Variants in NAALADL2 observed in about 807,000 individuals in gnomAD.
The protein encoded by NAALADL2 is inactive N-acetylated-alpha-linked acidic dipeptidase-like protein 2.
NAALADL2 carries 76 observed loss-of-function variants against 87.2 expected under a neutral mutation model. The ratio of observed to expected loss-of-function variants is 0.87; its 90% CI spans 0.72 to 1.05. The LOEUF (loss-of-function observed/expected upper bound fraction) is 1.05, where lower values mean the gene tolerates loss of function less well. NAALADL2 is among the 50% of genes least tolerant of loss of function. NAALADL2 has a pLI of 0.00. For synonymous variants in NAALADL2, 354 were observed against 331.0 expected (o/e 1.07, Z -0.75); for missense variants, 1,089 against 945.8 (o/e 1.15, Z -1.99).
intron 1 of NAALADL2, among the ~76,000 whole-genome samples, chr3:174,906,181 A>G (rs949371373): frequency 6.6e-6 from 1 of 152,114 alleles, no homozygotes; most frequent in Non-Finnish European, 1.5e-5. Context: ...TTCTTTTAGA[A>G]CTATAAAAGA....
chr3:175,620,495 T>A (rs894008588), intron 10 of NAALADL2, among the ~76,000 whole-genome samples: 3 of 152,104 alleles, frequency 2.0e-5, no homozygotes, highest in African/African-American at 4.8e-5. Context: ...CCCCAGAAGT[T>A]TTGCTGCTCT....
chr3:174,571,442 T>C (rs534481218), intron 2 of NAALADL2, among the ~76,000 whole-genome samples: 4 of 152,154 alleles, frequency 2.6e-5, no homozygotes, highest in Admixed American at 6.6e-5. Context: ...AATGGCGTGA[T>C]CTGTGCCCAC....
intron 10 of NAALADL2, among the ~76,000 whole-genome samples, chr3:175,603,993 A>T (rs1723316724): frequency 6.6e-6 from 1 of 152,148 alleles, no homozygotes; most frequent in Non-Finnish European, 1.5e-5. Flanking sequence ...ATCCTGAAAG[A>T]AAAACAACAA....
chr3:175,106,895 A>G (rs1408454819), intron 2 of NAALADL2, among the ~76,000 whole-genome samples: 1 of 138,368 alleles, frequency 7.2e-6, no homozygotes, highest in Non-Finnish European at 1.6e-5. Flanking sequence ...ATACATTTTA[A>G]AATAGATTAT....
intron 3 of NAALADL2, among the ~76,000 whole-genome samples, chr3:174,740,026 TAAAAC>T (rs778116784): frequency 2.6e-5 from 4 of 152,002 alleles, no homozygotes; most frequent in East Asian, 1.9e-4. Context: ...AAGCATTTTG[TAAAAC>T]AAAACAAAAC....
intron 3 of NAALADL2, among the ~76,000 whole-genome samples, chr3:174,822,641 G>A (rs1453984182): frequency 1.5e-4 from 23 of 152,092 alleles, no homozygotes; most frequent in Admixed American, 1.4e-3. Flanking sequence ...TGTAATATAT[G>A]ATGTATATAT....
rs557211252 is a variant in NAALADL2 at position 175,107,971 on chromosome 3, A to G, written c.545+10680A>G. Among the ~76,000 whole-genome samples, 29 of 151,942 alleles carry G rather than the reference A, an allele frequency of 1.9e-4. 1 individual carries two copies. The East Asian group carries it at 2.9e-3, about 15-fold the overall frequency. On this transcript the variant is annotated intron_variant, in intron 2 of 13. Coordinates refer to ENST00000454872, the MANE Select transcript of NAALADL2 (RefSeq NM_207015.3). ...CATTCTTATCTATAAAAAAAATGGT[A>G]TTGAAGTTCTCTTTCCTTTCATTAT...
At chr3:174,959,965 T>C (rs1741735829) in intron 1 of NAALADL2, among the ~76,000 whole-genome samples, 1 of 152,066 alleles carries the variant, frequency 6.6e-6, no homozygotes, top group South Asian at 2.1e-4. Context: ...AAAGGTCCTG[T>C]TCACTCTAAG....
At chr3:175,286,980 G>T (rs1225577907) in intron 4 of NAALADL2, among the ~76,000 whole-genome samples, 1 of 151,504 alleles carries the variant, frequency 6.6e-6, no homozygotes, top group Admixed American at 6.6e-5. Context: ...GTATGGTGGG[G>T]GTGGAGGGGT....
intron 1 of NAALADL2, among the ~76,000 whole-genome samples, chr3:175,071,248 A>G (rs1715582174): frequency 6.6e-6 from 1 of 152,110 alleles, no homozygotes; most frequent in African/African-American, 2.4e-5. Flanking sequence ...GGTGTAAAGA[A>G]TGTTTTTCAG....
At chr3:175,801,227 C>G (rs1222661127) in intron 13 of NAALADL2, among the ~76,000 whole-genome samples, 1 of 152,124 alleles carries the variant, frequency 6.6e-6, no homozygotes, top group Non-Finnish European at 1.5e-5. Context: ...TCTCCAGGCT[C>G]TACATTACAA....
intron 13 of NAALADL2, among the ~76,000 whole-genome samples, chr3:175,799,336 G>T (rs2108339050): frequency 6.6e-6 from 1 of 151,852 alleles, no homozygotes; most frequent in East Asian, 1.9e-4. Context: ...TTTTTACATA[G>T]CTGAATAATT....
intron 13 of NAALADL2, among the ~76,000 whole-genome samples, chr3:175,799,777 C>T (rs920017816): frequency 3.3e-5 from 5 of 152,130 alleles, no homozygotes; most frequent in African/African-American, 4.8e-5. Flanking sequence ...CAAAAGTTCT[C>T]TGTATAAAAA....
chr3:175,345,825 G>T, intron 5 of NAALADL2, among the ~76,000 whole-genome samples: 1 of 152,128 alleles, frequency 6.6e-6, no homozygotes, highest in East Asian at 1.9e-4. Context: ...GTTGAGGCTT[G>T]CAAAATGATA....
intron 11 of NAALADL2, among the ~76,000 whole-genome samples, chr3:175,715,945 T>A (rs1377497286): frequency 2.6e-5 from 4 of 151,754 alleles, no homozygotes; most frequent in Admixed American, 6.6e-5. Context: ...TTACTATCTT[T>A]ACAAATCCTT....
chr3:175,262,423 C>T lies in NAALADL2; in HGVS notation c.939+5893C>T, dbSNP rs142041309. 1.1e-3 allele frequency among the ~76,000 whole-genome samples: 174 copies of T among 151,936 alleles called. 1 individual carries two copies. Among genetic ancestry groups the T allele is most frequent in the Middle Eastern group, 3.4e-3 (1 of 294 alleles). The stretch of plus-strand genomic sequence containing the variant: ...ACCAACATTTGCTCTACTTTTCTTG[C>T]GGTAGAAGTTGGTGGAACTCTATTT... On this transcript the variant is annotated intron_variant, in intron 4 of 13. Coordinates refer to ENST00000454872, the MANE Select transcript of NAALADL2 (RefSeq NM_207015.3).
intron 9 of NAALADL2, among the ~76,000 whole-genome samples, chr3:175,571,559 G>T (rs892812856): frequency 3.9e-5 from 6 of 152,224 alleles, no homozygotes; most frequent in Non-Finnish European, 8.8e-5. Context: ...GCTTATGAGG[G>T]TTGAGTAGAT....
At chr3:175,260,847 A>G (rs969494907) in intron 4 of NAALADL2, among the ~76,000 whole-genome samples, 1 of 152,190 alleles carries the variant, frequency 6.6e-6, no homozygotes, top group African/African-American at 2.4e-5. Context: ...GAGGAGAAAA[A>G]TAATCTGCAG....
chr3:174,732,266 T>G (rs960583602), intron 2 of NAALADL2, among the ~76,000 whole-genome samples: 5 of 152,112 alleles, frequency 3.3e-5, no homozygotes, highest in African/African-American at 1.2e-4. Context: ...TGACACAATT[T>G]GAGAGAAATG....
Sources: gnomAD v4.1 joint callset for allele counts (sites outside exome capture counted in the v4.1 genomes callset) on GRCh38, gnomAD v4.1.1 for gene constraint, MANE v1.5 for transcripts, NCBI Gene and HGNC (gene_info 2026-07-23, HGNC 2026-07-21) for gene names.